ARHGAP21: variants seen among roughly 807,000 people sequenced by gnomAD.
ARHGAP21 encodes the protein rho GTPase-activating protein 21.
In ARHGAP21, 38 loss-of-function variants were observed where a neutral mutation model predicts 164.6. The observed-to-expected ratio is 0.23, with a 90% confidence interval of 0.18 to 0.30. ARHGAP21 has a LOEUF of 0.30. ARHGAP21 is among the 10% of genes least tolerant of loss of function. The probability of loss-of-function intolerance (pLI) is 1.00; values close to 1 mark genes in which losing one functional copy is unlikely to be tolerated. For missense variants in ARHGAP21, 1,822 were observed against 2,370.7 expected, an observed-to-expected ratio of 0.77 and a Z score of 4.81; for synonymous variants, 766 against 857.9, an observed-to-expected ratio of 0.89 and a Z score of 1.87.
At chr10:24,723,145 CG>C (rs956774207) in intron 1 of ARHGAP21, 22 of 151,698 alleles carry the variant, frequency 1.5e-4, no homozygotes, top group African/African-American at 5.1e-4. Flanking sequence ...GAGACAAAAC[CG>C]GGGGCCTTAC....
At chr10:24,711,791 G>A (rs981033580) in intron 2 of ARHGAP21, among the ~76,000 whole-genome samples, 3 of 152,208 alleles carry the variant, frequency 2.0e-5, no homozygotes, top group African/African-American at 7.2e-5. Flanking sequence ...AAACATCTGA[G>A]CATGTGACCA....
chr10:24,650,861 C>T (rs1838091368), intron 4 of ARHGAP21, among the ~76,000 whole-genome samples: 1 of 152,138 alleles, frequency 6.6e-6, no homozygotes, highest in Non-Finnish European at 1.5e-5. Context: ...GAGTCCAGTG[C>T]TTTGCACAAC....
intron 2 of ARHGAP21, among the ~76,000 whole-genome samples, chr10:24,719,587 T>G (rs1845729363): frequency 6.6e-6 from 1 of 152,362 alleles, no homozygotes; most frequent in South Asian, 2.1e-4. Flanking sequence ...CATCTCTTTG[T>G]TAGTTAAAAA....
intron 4 of ARHGAP21, among the ~76,000 whole-genome samples, chr10:24,664,505 G>A (rs1210631244): frequency 6.7e-6 from 1 of 150,318 alleles, no homozygotes; most frequent in Non-Finnish European, 1.5e-5. Flanking sequence ...GCATTGAGCC[G>A]AGATCATGCC....
At chr10:24,691,785 G>A (rs1433666371) in intron 2 of ARHGAP21, among the ~76,000 whole-genome samples, 2 of 152,184 alleles carry the variant, frequency 1.3e-5, no homozygotes, top group East Asian at 3.8e-4. Flanking sequence ...AATAATGCCA[G>A]AGAAGCCCAA....
intron 25 of ARHGAP21, among the ~76,000 whole-genome samples, chr10:24,587,911 A>C (rs568894107): frequency 2.6e-4 from 39 of 152,330 alleles, no homozygotes; most frequent in African/African-American, 7.5e-4. Flanking sequence ...GCATAGCATA[A>C]CACCACTATG....
chr10:24,597,345 A>T, intron 16 of ARHGAP21, 102 bp downstream of exon 16: 1 of 1,424,798 alleles, frequency 7.0e-7, no homozygotes, highest in Non-Finnish European at 9.4e-7. Flanking sequence ...GCTAGTTGAC[A>T]TGGGGCCTGG....
chr10:24,683,280 C>T (rs953950234), intron 2 of ARHGAP21, among the ~76,000 whole-genome samples: 4 of 152,040 alleles, frequency 2.6e-5, no homozygotes, highest in Non-Finnish European at 4.4e-5. Flanking sequence ...TATAATAATA[C>T]TTTTCATATA....
At position 24,586,121 on chromosome 10, in the gene ARHGAP21, A is replaced by G. The variant is rs2076091584; in HGVS notation, c.4183-15T>C. 1.3e-6 allele frequency: 2 copies of G among 1,556,552 alleles called. No homozygotes were observed. The highest frequency in any genetic ancestry group is 4.2e-5 in the Admixed American group (2 of 48,012). Reference sequence around the variant, plus strand: ...CCCCAAGAACCCTGGGAAGCAAGAGAGAAGAAAGACTCTGAGCATAAGAAT... The same window carrying G: ...CCCCAAGAACCCTGGGAAGCAAGAGGGAAGAAAGACTCTGAGCATAAGAAT... On this transcript the variant is annotated splice_polypyrimidine_tract_variant and intron_variant, in intron 25 of 25. Transcript: ENST00000396432.
At chr10:24,722,897 G>A (rs898712154) in intron 1 of ARHGAP21, 3 of 151,992 alleles carry the variant, frequency 2.0e-5, no homozygotes, top group African/African-American at 4.8e-5. Flanking sequence ...CCCGCTCCAG[G>A]GCATGATTCT....
chr10:24,607,556 G>A lies in ARHGAP21; in HGVS notation c.2627C>T (p.Thr876Ile). The A allele has an allele frequency of 6.2e-7, 1 of 1,613,944 alleles. No individual in the cohort carries two copies. The highest frequency in any genetic ancestry group is 8.5e-7 in the Non-Finnish European group (1 of 1,179,992). ...PSLDAQPNSK[T>I]ERSKSYDEGL... ...CTCATCATATGATTTTGATCTTTCT[G>A]TCTTTGAGTTGGGCTGAGCATCCAG... Residue 876 changes from threonine (T) to isoleucine (I), a missense_variant, in exon 11 of 26, where the codon ACA becomes ATA. Around this residue, in one of 5 missense-constraint regions of ARHGAP21, gnomAD observed 1,090 missense variants for 1,378.9 expected, o/e 0.79. Coordinates refer to ENST00000396432, the MANE Select transcript of ARHGAP21 (RefSeq NM_020824.4).
chr10:24,619,519 C>G lies in ARHGAP21; in HGVS notation c.2376G>C (p.Ser792=), dbSNP rs1387862671. ...HIKRMEERKA[S]STSPPGDSLA... is the part of the protein sequence containing the mutation. ...AAGAATCGCCAGGCGGACTGGTACTCGAGGCTTTTCTTTCCTCCATTCTTT... is the reference window on the plus strand; with the variant it reads ...AAGAATCGCCAGGCGGACTGGTACTGGAGGCTTTTCTTTCCTCCATTCTTT... Residue 792 remains serine, a synonymous_variant, in exon 9 of 26, where the codon TCG becomes TCC. Coordinates refer to ENST00000396432, the MANE Select transcript of ARHGAP21 (RefSeq NM_020824.4). 1.9e-6 allele frequency: 3 copies of G among 1,614,072 alleles called. No homozygotes were observed. The highest frequency in any genetic ancestry group is 2.5e-6 in the Non-Finnish European group (3 of 1,180,032).
At chr10:24,702,721 G>C (rs1843814192) in intron 2 of ARHGAP21, among the ~76,000 whole-genome samples, 1 of 151,824 alleles carries the variant, frequency 6.6e-6, no homozygotes, top group African/African-American at 2.4e-5. Context: ...CAAATATCTG[G>C]GACTACAGGT....
At chr10:24,680,319 A>G (rs1841648976) in intron 2 of ARHGAP21, among the ~76,000 whole-genome samples, 2 of 152,156 alleles carry the variant, frequency 1.3e-5, no homozygotes, top group African/African-American at 4.8e-5. Flanking sequence ...TCATATTTCA[A>G]CACTTTAAAA....
chr10:24,693,338 C>CTT (rs1298784170), intron 2 of ARHGAP21, among the ~76,000 whole-genome samples: 24 of 146,274 alleles, frequency 1.6e-4, no homozygotes, highest in African/African-American at 6.0e-4. Context: ...AAATCTAAAA[C>CTT]TTTTTTTTTT....
intron 2 of ARHGAP21, among the ~76,000 whole-genome samples, chr10:24,689,417 A>C (rs183492925): frequency 1.3e-5 from 2 of 152,306 alleles, no homozygotes; most frequent in African/African-American, 4.8e-5. Context: ...TTCGAGACAT[A>C]TACATATTCT....
At chr10:24,716,428 G>C (rs570251382) in intron 2 of ARHGAP21, among the ~76,000 whole-genome samples, 3 of 152,316 alleles carry the variant, frequency 2.0e-5, no homozygotes, top group African/African-American at 7.2e-5. Flanking sequence ...TGCAGAGACT[G>C]GGGGAAGTGT....
intron 1 of ARHGAP21, chr10:24,723,133 G>A (rs1001003047): frequency 6.6e-6 from 1 of 151,600 alleles, no homozygotes. Flanking sequence ...GAGCCCCGGG[G>A]CGAGACAAAA....
At chr10:24,605,937 CCCA>C (rs1467864821) in intron 11 of ARHGAP21, among the ~76,000 whole-genome samples, 3 of 151,536 alleles carry the variant, frequency 2.0e-5, no homozygotes, top group African/African-American at 7.3e-5. Flanking sequence ...AGAATAGAGC[CCCA>C]CAATAAAATT....
Sources: allele counts gnomAD v4.1 joint callset (sites outside exome capture counted in the v4.1 genomes callset), GRCh38; gene constraint gnomAD v4.1.1; regional missense constraint gnomAD v4.1.1; transcripts MANE v1.5; gene names NCBI Gene and HGNC (gene_info 2026-07-23, HGNC 2026-07-21).